KANSL1L: variants seen among roughly 807,000 people sequenced by gnomAD.
The protein encoded by KANSL1L is KAT8 regulatory NSL complex subunit 1-like protein.
A neutral mutation model predicts 108.6 loss-of-function variants in KANSL1L; 25 were observed. That is an observed-to-expected ratio of 0.23 (90% CI 0.17 to 0.32). The LOEUF is 0.32. KANSL1L is among the 10% of genes least tolerant of loss of function. The pLI is 1.00. For missense variants in KANSL1L, 1,137 were observed against 1,125.7 expected (o/e 1.01, Z -0.14); for synonymous variants, 405 against 395.1 (o/e 1.03, Z -0.30).
At chr2:210,117,777 T>A (rs866767181) in intron 3 of KANSL1L, among the ~76,000 whole-genome samples, 2 of 152,128 alleles carry the variant, frequency 1.3e-5, no homozygotes, top group African/African-American at 4.8e-5. Flanking sequence ...AAGAGACTAT[T>A]ATGAAAAAGT....
chr2:210,156,751 C>T (rs2095335660), intron 1 of KANSL1L, among the ~76,000 whole-genome samples: 1 of 151,878 alleles, frequency 6.6e-6, no homozygotes, highest in Non-Finnish European at 1.5e-5. Context: ...AGGGGATTTG[C>T]ATTTTAACTA....
chr2:210,141,781 C>T (rs1280328028), intron 2 of KANSL1L, among the ~76,000 whole-genome samples: 1 of 152,136 alleles, frequency 6.6e-6, no homozygotes, highest in Non-Finnish European at 1.5e-5. Context: ...TGAATTCTGT[C>T]AAATCCTTCT....
At chr2:210,107,465 G>T (rs546785908) in intron 3 of KANSL1L, among the ~76,000 whole-genome samples, 22 of 149,132 alleles carry the variant, frequency 1.5e-4, no homozygotes, top group African/African-American at 5.4e-4. Flanking sequence ...CAAAGCTGTC[G>T]CAAGAACCAC....
At chr2:210,130,993 C>G (rs908661094) in intron 2 of KANSL1L, among the ~76,000 whole-genome samples, 1 of 152,024 alleles carries the variant, frequency 6.6e-6, no homozygotes, top group Non-Finnish European at 1.5e-5. Context: ...ATTTCACGTA[C>G]CGCCCTACAC....
rs375504329 is a variant in KANSL1L at position 210,023,176 on chromosome 2, A to G, written c.2737T>C (p.Leu913=). The G allele has an allele frequency of 1.2e-5, 20 of 1,613,062 alleles. No individual in the cohort carries two copies. The South Asian group carries it at 1.5e-4, about 12-fold the overall frequency. ...SLNQSQETKS[L]WWERRAFPLK... ...GGAAAAGCCCGTCGTTCCCACCACA[A>G]AGACTGAAAGGGGAAAAATTTTCAG... Residue 913 remains leucine (L), a synonymous_variant, in exon 15 of 15, where the codon TTG becomes CTG. Coordinates refer to ENST00000281772, the MANE Select transcript of KANSL1L (RefSeq NM_152519.4).
At chr2:210,047,380 T>A (rs949228275) in intron 6 of KANSL1L, among the ~76,000 whole-genome samples, 5 of 152,150 alleles carry the variant, frequency 3.3e-5, no homozygotes, top group Admixed American at 1.3e-4. Context: ...TCTAAGAGAT[T>A]TTTTCAGCCA....
chr2:210,049,859 G>A (rs557421675), intron 6 of KANSL1L, among the ~76,000 whole-genome samples: 1 of 152,358 alleles, frequency 6.6e-6, no homozygotes, highest in Admixed American at 6.5e-5. Context: ...CTATAGGACT[G>A]ATGTCAAACA....
chr2:210,143,597 G>A (rs1012531105), intron 2 of KANSL1L, among the ~76,000 whole-genome samples: 1 of 151,902 alleles, frequency 6.6e-6, no homozygotes, highest in Non-Finnish European at 1.5e-5. Flanking sequence ...TATATGCCTG[G>A]ATTCCTTTCT....
intron 5 of KANSL1L, among the ~76,000 whole-genome samples, chr2:210,095,330 T>C (rs1412983626): frequency 6.6e-6 from 1 of 152,094 alleles, no homozygotes; most frequent in Non-Finnish European, 1.5e-5. Flanking sequence ...CCCCTCTCTC[T>C]ACTTCTTCTC....
Position 210,129,089 on chromosome 2 carries a change from T to C in KANSL1L, c.1172A>G (p.Asp391Gly). ...RWTWLQAQISDLECKIQQLTD... is the reference protein window; with the variant it reads ...RWTWLQAQISGLECKIQQLTD... The stretch of plus-strand genomic sequence containing the variant: ...TAGTTGTTGGATTTTGCATTCTAGG[T>C]CTGAAATCTGAGCTTGAAGCCAAGT... Residue 391 changes from aspartate to glycine, a missense_variant, in exon 3 of 15, where the codon GAC (aspartate) becomes GGC (glycine). Around this residue, in one of 3 missense-constraint regions of KANSL1L, gnomAD observed 556 missense variants for 537.7 expected, o/e 1.03. Coordinates refer to ENST00000281772, the MANE Select transcript of KANSL1L (RefSeq NM_152519.4). 6.2e-7 allele frequency: 1 copy of C among 1,613,942 alleles called. No individual in the cohort carries two copies. The highest frequency in any genetic ancestry group is 8.5e-7 in the Non-Finnish European group (1 of 1,179,866).
intron 1 of KANSL1L, among the ~76,000 whole-genome samples, chr2:210,167,151 T>C (rs1234955255): frequency 6.6e-6 from 1 of 151,980 alleles, no homozygotes; most frequent in Non-Finnish European, 1.5e-5. Context: ...TCCTCAAAAA[T>C]ACAGGAATTA....
chr2:210,125,403 T>C (rs1033732819), intron 3 of KANSL1L, among the ~76,000 whole-genome samples: 5 of 152,194 alleles, frequency 3.3e-5, no homozygotes, highest in African/African-American at 1.2e-4. Flanking sequence ...GAAGACCAAA[T>C]AGCAATCCTT....
intron 5 of KANSL1L, chr2:210,088,343 G>A (rs2041654): frequency 0.93 from 141,032 of 152,292 alleles, 66,268 homozygotes; most frequent in East Asian, 1. Flanking sequence ...TCCAAAGGCC[G>A]AAATCCTGTC....
Position 210,022,971 on chromosome 2 carries a change from G to GA in KANSL1L, c.2941_2942insT (p.Thr981IlefsTer2). On this transcript the variant is annotated frameshift_variant, in exon 15 of 15. Coordinates refer to ENST00000281772, the MANE Select transcript of KANSL1L (RefSeq NM_152519.4). LOFTEE classifies it high-confidence loss of function. ...CTGTCACCTATTTTTTTTAACATTA[G>GA]TAAGTCCTAGACCAAAGGTTTTGTA... 6.2e-7 allele frequency: 1 copy of GA among 1,612,220 alleles called. No individual in the cohort carries two copies. The highest frequency in any genetic ancestry group is 8.5e-7 in the Non-Finnish European group (1 of 1,178,760).
intron 5 of KANSL1L, among the ~76,000 whole-genome samples, chr2:210,079,590 CAA>C (rs1250273844): frequency 2.2e-5 from 1 of 46,056 alleles, no homozygotes; most frequent in Non-Finnish European, 4.5e-5. Context: ...GACTCTGTCT[CAA>C]AAAAAAAAAA....
intron 4 of KANSL1L, 62 bp from the exon 5 acceptor site, chr2:210,098,269 T>C: frequency 1.3e-6 from 2 of 1,515,352 alleles, no homozygotes; most frequent in Non-Finnish European, 1.8e-6. Flanking sequence ...AAAGCTCAGA[T>C]GCATAGTGCC....
At chr2:210,084,898 C>T (rs917533810) in intron 5 of KANSL1L, among the ~76,000 whole-genome samples, 3 of 152,174 alleles carry the variant, frequency 2.0e-5, no homozygotes, top group South Asian at 2.1e-4. Flanking sequence ...GCATAAGCCA[C>T]CATGCCCAGC....
At chr2:210,098,769 A>T (rs1274423974) in intron 4 of KANSL1L, among the ~76,000 whole-genome samples, 1 of 152,096 alleles carries the variant, frequency 6.6e-6, no homozygotes, top group Non-Finnish European at 1.5e-5. Context: ...TCAGGCCTAA[A>T]TCTAACAACA....
At chr2:210,167,641 A>C (rs542818547) in intron 1 of KANSL1L, among the ~76,000 whole-genome samples, 1 of 152,040 alleles carries the variant, frequency 6.6e-6, no homozygotes, top group Non-Finnish European at 1.5e-5. Context: ...AATAAAAACA[A>C]CACACTTGAG....
Sources: allele counts gnomAD v4.1 joint callset (sites outside exome capture counted in the v4.1 genomes callset), GRCh38; gene constraint gnomAD v4.1.1; regional missense constraint gnomAD v4.1.1; transcripts MANE v1.5; gene names NCBI Gene and HGNC (gene_info 2026-07-23, HGNC 2026-07-21).